The following RELN variants were observed in gnomAD, a reference collection of about 807,000 sequenced individuals.
RELN encodes the protein reelin.
RELN carries 108 observed loss-of-function variants against 427.6 expected under a neutral mutation model. The observed-to-expected ratio is 0.25, with a 90% CI of 0.22 to 0.30. RELN has a LOEUF of 0.30. RELN is among the 10% of genes least tolerant of loss of function. RELN has a pLI of 1.00. For missense variants in RELN, 3,715 were observed against 4,302.8 expected (o/e 0.86, Z 3.82); for synonymous variants, 1,524 against 1,513.4 (o/e 1.01, Z -0.16).
intron 3 of RELN, among the ~76,000 whole-genome samples, chr7:103,791,557 C>T (rs1158680269): frequency 2.6e-5 from 4 of 152,076 alleles, no homozygotes; most frequent in East Asian, 3.8e-4. Flanking sequence ...TAGACCTCTA[C>T]CTCACACCAT....
chr7:103,873,585 C>A lies in RELN; in HGVS notation c.338-39913G>T, dbSNP rs1007128344. Among the ~76,000 whole-genome samples the A allele has an allele frequency of 8.4e-4, 47 of 55,834 alleles. 3 individuals are homozygous for A. In the Middle Eastern group the frequency reaches 0.021, roughly 24 times the overall value. The allele number at this position is 55,834 out of a possible 152,430, so 36.6% of individuals were successfully genotyped here. On this transcript the variant is annotated intron_variant, in intron 2 of 64. Coordinates refer to ENST00000428762, the MANE Select transcript of RELN (RefSeq NM_005045.4). ...AGAGAATACTACAAACACCTCTACG[C>A]AAATAAACTAGAAAATCTAGAAGAA... is the stretch of plus-strand genomic sequence containing the variant.
At chr7:103,589,965 C>T in intron 27 of RELN, 137 bp from the exon 28 acceptor site, 1 of 697,536 alleles carries the variant, frequency 1.4e-6, no homozygotes. Flanking sequence ...TGAGCTCAGT[C>T]CCAACCAAGA....
intron 46 of RELN, among the ~76,000 whole-genome samples, chr7:103,526,961 G>C (rs1829835609): frequency 6.6e-6 from 1 of 151,864 alleles, no homozygotes; most frequent in South Asian, 2.1e-4. Context: ...CTCTCCTCTT[G>C]GTTCTTTTGT....
intron 20 of RELN, among the ~76,000 whole-genome samples, chr7:103,627,415 T>G (rs934961326): frequency 1.3e-5 from 2 of 152,120 alleles, no homozygotes; most frequent in African/African-American, 4.8e-5. Context: ...ACATTAAATC[T>G]TGGACAATGT....
chr7:103,648,783 T>C (rs1164834406), intron 16 of RELN, among the ~76,000 whole-genome samples: 1 of 152,002 alleles, frequency 6.6e-6, no homozygotes, highest in Non-Finnish European at 1.5e-5. Context: ...GCAAAGGACA[T>C]GAGCAAACAG....
At chr7:103,650,146 G>T in intron 16 of RELN, 128 bp downstream of exon 16, 1 of 726,108 alleles carries the variant, frequency 1.4e-6, no homozygotes, top group Non-Finnish European at 2.5e-6. Context: ...AAGGAGAAAT[G>T]GAAGAAAGGG....
chr7:103,964,859 C>T (rs946107076), intron 1 of RELN, among the ~76,000 whole-genome samples: 3 of 152,138 alleles, frequency 2.0e-5, no homozygotes, highest in African/African-American at 7.2e-5. Context: ...CAGTCAGGGA[C>T]TTGAAGCCAG....
chr7:103,685,615 T>C (rs1833750045), intron 10 of RELN, among the ~76,000 whole-genome samples: 1 of 152,168 alleles, frequency 6.6e-6, no homozygotes, highest in African/African-American at 2.4e-5. Context: ...TACATTATTA[T>C]ATAATTATAA....
chr7:103,606,808 T>C (rs1027784540), intron 22 of RELN, among the ~76,000 whole-genome samples: 3 of 152,096 alleles, frequency 2.0e-5, no homozygotes, highest in African/African-American at 7.2e-5. Flanking sequence ...ATTATTTCCT[T>C]AGGACACAAA....
At chr7:103,885,236 G>C (rs147174239) in intron 2 of RELN, among the ~76,000 whole-genome samples, 11,711 of 152,118 alleles carry the variant, frequency 0.077, 641 homozygotes, top group Non-Finnish European at 0.12. Flanking sequence ...CTACTTGGGA[G>C]GCTGAGGCAG....
rs1830829813 is a variant in RELN at position 103,569,333 on chromosome 7, C to T, written c.4589-2574G>A. On this transcript the variant is annotated intron_variant, in intron 31 of 64. Coordinates refer to ENST00000428762, the MANE Select transcript of RELN (RefSeq NM_005045.4). The surrounding 1 kb of genome is among the most constrained non-coding windows in gnomAD (Gnocchi z 4.0). ...GGCTAAGTCTTCCAGTGACTGCACC[C>T]CTCCTGGCTTTTGTCCTGACTGCAA... 6.6e-6 allele frequency among the ~76,000 whole-genome samples: 1 copy of T among 152,156 alleles called. No individual in the cohort carries two copies.
chr7:103,783,551 A>G (rs1032303388), intron 3 of RELN, among the ~76,000 whole-genome samples: 1 of 152,302 alleles, frequency 6.6e-6, no homozygotes, highest in Non-Finnish European at 1.5e-5. Context: ...TGTCAAATGT[A>G]TAAATACTTT....
intron 22 of RELN, among the ~76,000 whole-genome samples, chr7:103,609,500 G>C (rs1006726802): frequency 1.3e-5 from 2 of 152,146 alleles, no homozygotes; most frequent in African/African-American, 2.4e-5. Context: ...TAGAATGCTA[G>C]AGAAAGTAGC....
At chr7:103,545,877 C>T (rs894899848) in intron 41 of RELN, among the ~76,000 whole-genome samples, 5 of 152,174 alleles carry the variant, frequency 3.3e-5, no homozygotes, top group Non-Finnish European at 7.3e-5. Context: ...CTCAGGCGAT[C>T]CGCCCACATC....
At chr7:103,712,468 T>G (rs1229610951) in intron 8 of RELN, among the ~76,000 whole-genome samples, 1 of 152,212 alleles carries the variant, frequency 6.6e-6, no homozygotes, top group Non-Finnish European at 1.5e-5. Context: ...CCATAATCCC[T>G]TGAGGTTAGA....
intron 15 of RELN, among the ~76,000 whole-genome samples, chr7:103,650,782 C>G (rs938531827): frequency 1.4e-4 from 21 of 152,064 alleles, no homozygotes; most frequent in African/African-American, 4.8e-4. Context: ...CATACTACCA[C>G]ACCCAGCTAA....
chr7:103,637,327 G>C (rs1832604180), intron 17 of RELN, among the ~76,000 whole-genome samples: 2 of 152,068 alleles, frequency 1.3e-5, no homozygotes, highest in African/African-American at 2.4e-5. Flanking sequence ...TTTGAGTGGG[G>C]GATTCTCATG....
chr7:103,713,188 C>A (rs992679768), intron 8 of RELN, among the ~76,000 whole-genome samples: 7 of 152,106 alleles, frequency 4.6e-5, no homozygotes, highest in African/African-American at 9.7e-5. Context: ...CTGGACAGAA[C>A]CTTATTGAGG....
intron 22 of RELN, 71 bp from the exon 23 acceptor site, chr7:103,604,554 A>C: frequency 6.5e-7 from 1 of 1,528,388 alleles, no homozygotes; most frequent in Non-Finnish European, 9.1e-7. Flanking sequence ...AGAATGTCAG[A>C]GTCCAAAATC....
Sources: allele counts gnomAD v4.1 joint callset (sites outside exome capture counted in the v4.1 genomes callset), GRCh38; gene constraint gnomAD v4.1.1; non-coding constraint Gnocchi (gnomAD v3.1); transcripts MANE v1.5; gene names NCBI Gene and HGNC (gene_info 2026-07-23, HGNC 2026-07-21).